The following RBM20 variants were observed in gnomAD, a reference collection of about 807,000 sequenced individuals.
The protein encoded by RBM20 is RNA binding motif protein 20.
A neutral mutation model predicts 110.1 loss-of-function variants in RBM20; 51 were observed. That is an observed-to-expected ratio of 0.46 (90% CI 0.37 to 0.59). The LOEUF (loss-of-function observed/expected upper bound fraction) is 0.59. Ranked by LOEUF, RBM20 falls within the 20% of genes least tolerant of loss-of-function variation. The pLI is 0.00. For synonymous variants in RBM20, 589 were observed against 618.2 expected (o/e 0.95, Z 0.70); for missense variants, 1,512 against 1,574.9 (o/e 0.96, Z 0.68).
chr10:110,645,421 T>G (rs1861855114), intron 1 of RBM20, among the ~76,000 whole-genome samples: 1 of 152,228 alleles, frequency 6.6e-6, no homozygotes, highest in African/African-American at 2.4e-5. Context: ...ATTTGAAGGA[T>G]CTCTGCTCTC....
intron 1 of RBM20, among the ~76,000 whole-genome samples, chr10:110,731,723 T>A (rs1278210102): frequency 6.6e-6 from 1 of 152,258 alleles, no homozygotes; most frequent in African/African-American, 2.4e-5. Flanking sequence ...CATTCTTATG[T>A]TAGAATGGCT....
intron 1 of RBM20, among the ~76,000 whole-genome samples, chr10:110,699,547 CA>C (rs200235267): frequency 0.016 from 2,396 of 152,130 alleles, 69 homozygotes; most frequent in African/African-American, 0.055. Context: ...GCTGAGATTA[CA>C]GGTGTGAGCC....
At position 110,812,523 on chromosome 10, in the gene RBM20, A is replaced by G. The variant is rs1590696021; in HGVS notation, c.2126A>G (p.His709Arg). The G allele has an allele frequency of 6.4e-7, 1 of 1,551,760 alleles. No individual in the cohort carries two copies. ...AGGGACAGGATGGACCCCTGGGCAC[A>G]TGATCGCAAACACCACCCCCGGCAA... ...DKRDRMDPWA[H>R]DRKHHPRQLD... The change falls in exon 9 of 14, where the codon CAT becomes CGT. Residue 709 changes from histidine to arginine, a missense_variant. His to Arg is a conservative substitution (Grantham distance 29). Around this residue, in one of 3 missense-constraint regions of RBM20, gnomAD observed 1,149 missense variants for 1,169.4 expected, o/e 0.98. Transcript: ENST00000369519.
intron 1 of RBM20, among the ~76,000 whole-genome samples, chr10:110,680,911 C>T (rs1862414632): frequency 6.6e-6 from 1 of 152,182 alleles, no homozygotes; most frequent in African/African-American, 2.4e-5. Context: ...ATTTACTTCT[C>T]TTTCTTTTCC....
chr10:110,705,579 G>T (rs1348453677), intron 1 of RBM20, among the ~76,000 whole-genome samples: 1 of 152,158 alleles, frequency 6.6e-6, no homozygotes, highest in East Asian at 1.9e-4. Context: ...GGTGAGTCTG[G>T]ATTTGCATGA....
chr10:110,730,707 C>T (rs1590641497), intron 1 of RBM20, among the ~76,000 whole-genome samples: 1 of 152,346 alleles, frequency 6.6e-6, no homozygotes, highest in African/African-American at 2.4e-5. Context: ...GCTCCCTTTC[C>T]AATCTCTCTT....
At chr10:110,833,266 A>G (rs1049752954) in intron 13 of RBM20, among the ~76,000 whole-genome samples, 1 of 151,686 alleles carries the variant, frequency 6.6e-6, no homozygotes, top group Non-Finnish European at 1.5e-5. Context: ...GCGCGCACCT[A>G]TAATCCAAGC....
chr10:110,688,792 G>C (rs1375532677), intron 1 of RBM20, among the ~76,000 whole-genome samples: 8 of 152,038 alleles, frequency 5.3e-5, no homozygotes, highest in Non-Finnish European at 1.0e-4. Context: ...ACAAACTATG[G>C]ACATTATTCA....
At chr10:110,671,535 TGCCTC>T (rs1862257945) in intron 1 of RBM20, among the ~76,000 whole-genome samples, 1 of 152,188 alleles carries the variant, frequency 6.6e-6, no homozygotes, top group Non-Finnish European at 1.5e-5. Context: ...AACCTACCTG[TGCCTC>T]AGTTACTGCC....
intron 13 of RBM20, chr10:110,835,377 C>T (rs1418606904): frequency 6.7e-6 from 1 of 149,466 alleles, no homozygotes; most frequent in African/African-American, 2.5e-5. Context: ...CTCTTGTTGC[C>T]CAGGCTGGAT....
At chr10:110,802,415 T>C (rs996845320) in intron 7 of RBM20, among the ~76,000 whole-genome samples, 2 of 148,016 alleles carry the variant, frequency 1.4e-5, no homozygotes, top group Non-Finnish European at 3.0e-5. Context: ...AATAAAAGTA[T>C]ATTGCTTCTT....
chr10:110,826,323 T>C (rs1844980284), intron 12 of RBM20, among the ~76,000 whole-genome samples: 1 of 152,180 alleles, frequency 6.6e-6, no homozygotes, highest in South Asian at 2.1e-4. Context: ...TAAATATACC[T>C]GTGAGACCAT....
intron 1 of RBM20, among the ~76,000 whole-genome samples, chr10:110,664,919 A>G (rs961730608): frequency 6.6e-5 from 10 of 151,790 alleles, no homozygotes; most frequent in African/African-American, 2.4e-4. Context: ...TCTGTTACCC[A>G]GGCTGGAGTG....
intron 1 of RBM20, among the ~76,000 whole-genome samples, chr10:110,699,116 C>T (rs899382956): frequency 1.9e-4 from 29 of 152,186 alleles, no homozygotes; most frequent in African/African-American, 6.5e-4. Flanking sequence ...CACACGTCTG[C>T]GCCATGTTAG....
chr10:110,700,461 C>G (rs1862740903), intron 1 of RBM20, among the ~76,000 whole-genome samples: 1 of 152,198 alleles, frequency 6.6e-6, no homozygotes, highest in Non-Finnish European at 1.5e-5. Context: ...TGGCTGCCAA[C>G]AGGAACCCCA....
chr10:110,788,683 GA>G (rs1844449562), intron 5 of RBM20, among the ~76,000 whole-genome samples: 1 of 152,222 alleles, frequency 6.6e-6, no homozygotes, highest in African/African-American at 2.4e-5. Context: ...GACAAGCTGA[GA>G]AATGGAGAAA....
At chr10:110,711,469 G>A (rs1862928396) in intron 1 of RBM20, among the ~76,000 whole-genome samples, 1 of 152,008 alleles carries the variant, frequency 6.6e-6, no homozygotes, top group African/African-American at 2.4e-5. Flanking sequence ...AAAAGAATGT[G>A]GAATCAGCTA....
intron 7 of RBM20, among the ~76,000 whole-genome samples, chr10:110,804,692 C>T (rs1380148470): frequency 2.6e-5 from 4 of 152,300 alleles, no homozygotes; most frequent in Non-Finnish European, 4.4e-5. Context: ...AAGTGAGTAG[C>T]CTTCTTCCTG....
chr10:110,803,691 C>G (rs1844659157), intron 7 of RBM20, among the ~76,000 whole-genome samples: 1 of 151,530 alleles, frequency 6.6e-6, no homozygotes, highest in South Asian at 2.1e-4. Flanking sequence ...GTGAAAACAA[C>G]TTAATGTATG....
Sources: gnomAD v4.1 joint callset for allele counts (sites outside exome capture counted in the v4.1 genomes callset) on GRCh38, gnomAD v4.1.1 for gene constraint, gnomAD v4.1.1 regional missense constraint, MANE v1.5 for transcripts, NCBI Gene and HGNC (gene_info 2026-07-23, HGNC 2026-07-21) for gene names.